Variants in CFAP58 observed in about 807,000 individuals in gnomAD.
CFAP58 encodes cilia- and flagella-associated protein 58.
CFAP58 carries 88 observed loss-of-function variants against 119.5 expected under a neutral mutation model. The ratio of observed to expected loss-of-function variants is 0.74; its 90% CI spans 0.62 to 0.88. The LOEUF is 0.88. CFAP58 is among the 40% of genes least tolerant of loss of function. The pLI is 0.00. For missense variants in CFAP58, 990 were observed against 1,021.2 expected (o/e 0.97, Z 0.42); for synonymous variants, 365 against 366.3 (o/e 1.00, Z 0.04).
chr10:104,365,320 T>C (rs997697665), intron 4 of CFAP58, among the ~76,000 whole-genome samples: 2 of 152,114 alleles, frequency 1.3e-5, no homozygotes. Context: ...CAATGTGCAG[T>C]CTCCAAGAGA....
chr10:104,364,027 A>T (rs962179386), intron 3 of CFAP58, among the ~76,000 whole-genome samples: 1 of 152,214 alleles, frequency 6.6e-6, no homozygotes, highest in African/African-American at 2.4e-5. Flanking sequence ...AAATCAATGA[A>T]TATTATCACA....
intron 15 of CFAP58, among the ~76,000 whole-genome samples, chr10:104,438,530 A>C (rs1044724789): frequency 1.9e-4 from 28 of 150,906 alleles, no homozygotes; most frequent in East Asian, 3.9e-4. Flanking sequence ...CGCCCGCCAC[A>C]GCGCCCGGCT....
chr10:104,433,964 G>A (rs1476799364), intron 15 of CFAP58, among the ~76,000 whole-genome samples: 4 of 152,192 alleles, frequency 2.6e-5, no homozygotes, highest in Non-Finnish European at 5.9e-5. Flanking sequence ...GGTTTGGCAG[G>A]TGACTTCAAA....
At chr10:104,440,868 C>T (rs537028230) in intron 15 of CFAP58, among the ~76,000 whole-genome samples, 1 of 152,280 alleles carries the variant, frequency 6.6e-6, no homozygotes, top group African/African-American at 2.4e-5. Context: ...TTGATATCAT[C>T]TCCACTTTTG....
chr10:104,453,697 T>G (rs898086510), intron 17 of CFAP58, among the ~76,000 whole-genome samples: 1 of 151,804 alleles, frequency 6.6e-6, no homozygotes, highest in African/African-American at 2.4e-5. Context: ...GTGTTTTCTT[T>G]AAGACCCCAA....
At chr10:104,417,453 G>C (rs2012572185) in intron 15 of CFAP58, among the ~76,000 whole-genome samples, 1 of 152,120 alleles carries the variant, frequency 6.6e-6, no homozygotes, top group African/African-American at 2.4e-5. Flanking sequence ...TAAACTGCAG[G>C]GACTGATAAT....
At chr10:104,435,551 C>T (rs1182807076) in intron 15 of CFAP58, among the ~76,000 whole-genome samples, 2 of 152,358 alleles carry the variant, frequency 1.3e-5, no homozygotes, top group East Asian at 1.9e-4. Flanking sequence ...GCCTCAACCA[C>T]ATTTGATGGC....
intron 6 of CFAP58, among the ~76,000 whole-genome samples, chr10:104,369,862 T>C (rs2014799632): frequency 6.6e-6 from 1 of 152,232 alleles, no homozygotes; most frequent in Admixed American, 6.5e-5. Context: ...TCACTTCTAA[T>C]GGCAAAATTT....
rs148351804 is a variant in CFAP58, at chr10:104,368,423, A to G, written c.793A>G (p.Ile265Val). The G allele has an allele frequency of 1.9e-6, 3 of 1,613,676 alleles. 1 individual carries two copies. Among genetic ancestry groups the G allele is most frequent in the South Asian group, 2.2e-5 (2 of 91,072 alleles). Residue 265 changes from isoleucine to valine, a missense_variant and splice_region_variant, in exon 6 of 18, where the codon ATA becomes GTA. Coordinates refer to ENST00000369704, the MANE Select transcript of CFAP58 (RefSeq NM_001008723.2). ...KLEQQLKEQKILNERAAKELE... is the reference protein window; with the variant it reads ...KLEQQLKEQKVLNERAAKELE... ...AACCAGCTCATTCCATCCCTTTCAG[A>G]TATTGAATGAGAGAGCTGCAAAGGA...
At position 104,358,476 on chromosome 10, in the gene CFAP58, G is replaced by C. The variant is rs757601917; in HGVS notation, c.145G>C (p.Val49Leu). The C allele has an allele frequency of 6.2e-7, 1 of 1,614,072 alleles. No homozygotes were observed. Among genetic ancestry groups the C allele is most frequent in the Non-Finnish European group, 8.5e-7 (1 of 1,180,004 alleles). ...GATTGAATATGAGAGGCTTCATGCT[G>C]TCATGAAAAAGTCTTATGACAATGA... ...FRIEYERLHA[V>L]MKKSYDNEKR... is the part of the protein sequence containing the mutation. Residue 49 changes from valine (V) to leucine (L), a missense_variant, in exon 2 of 18, where the codon GTC (valine) becomes CTC (leucine). Physicochemically the swap from Val to Leu is conservative, Grantham distance 32. Transcript: ENST00000369704.
At chr10:104,393,897 C>T (rs1459880560) in intron 11 of CFAP58, among the ~76,000 whole-genome samples, 1 of 152,160 alleles carries the variant, frequency 6.6e-6, no homozygotes, top group Non-Finnish European at 1.5e-5. Flanking sequence ...TGCTTTGTAC[C>T]TCTGTTTTTT....
intron 6 of CFAP58, 128 bp downstream of exon 6, chr10:104,368,688 G>A (rs551360521): frequency 3.3e-5 from 32 of 958,590 alleles, no homozygotes; most frequent in Middle Eastern, 4.8e-4. Flanking sequence ...TCAGAGGCAG[G>A]TGCAAGCCTA....
chr10:104,376,918 T>C, intron 8 of CFAP58, 25 bp downstream of exon 8: 1 of 1,546,754 alleles, frequency 6.5e-7, no homozygotes, highest in Non-Finnish European at 8.9e-7. Flanking sequence ...GTCACACTGG[T>C]AAATAAATGT....
chr10:104,352,554 T>C (rs1589903627), upstream of CFAP58, among the ~76,000 whole-genome samples: 2 of 152,358 alleles, frequency 1.3e-5, no homozygotes, highest in African/African-American at 4.8e-5. Flanking sequence ...CATTGCCCCA[T>C]GGCTGGATGT....
intron 15 of CFAP58, among the ~76,000 whole-genome samples, chr10:104,423,835 T>C (rs1039225476): frequency 1.3e-5 from 2 of 152,204 alleles, no homozygotes; most frequent in Non-Finnish European, 2.9e-5. Flanking sequence ...GGGAGTCCTA[T>C]CTATTTTTAT....
intron 5 of CFAP58, among the ~76,000 whole-genome samples, chr10:104,367,249 C>G (rs1207734189): frequency 6.6e-6 from 1 of 152,120 alleles, no homozygotes; most frequent in African/African-American, 2.4e-5. Context: ...AACACTTCCT[C>G]TATTATAGCA....
chr10:104,346,633 C>CTTTTTTTTTTTTTTTT, the CFAP58 span, among the ~76,000 whole-genome samples: 49 of 101,116 alleles, frequency 4.8e-4, 5 homozygotes, highest in African/African-American at 1.4e-3. Flanking sequence ...GCCATTTAGT[C>CTTTTTTTTTTTTTTTT]TTTTTTTTTT....
intron 15 of CFAP58, among the ~76,000 whole-genome samples, chr10:104,430,683 A>G (rs1001849353): frequency 2.0e-5 from 3 of 152,126 alleles, no homozygotes; most frequent in Admixed American, 2.0e-4. Context: ...AACTGGACAC[A>G]TTTTTGCATC....
At chr10:104,437,651 G>A (rs1199120956) in intron 15 of CFAP58, among the ~76,000 whole-genome samples, 1 of 152,008 alleles carries the variant, frequency 6.6e-6, no homozygotes, top group Admixed American at 6.5e-5. Context: ...ATCTAAATTA[G>A]GATCTAGTGG....
Sources: gnomAD v4.1 joint callset for allele counts (sites outside exome capture counted in the v4.1 genomes callset) on GRCh38, gnomAD v4.1.1 for gene constraint, MANE v1.5 for transcripts, NCBI Gene and HGNC (gene_info 2026-07-23, HGNC 2026-07-21) for gene names.